GNL3L: variants seen among roughly 807,000 people sequenced by gnomAD.
GNL3L encodes the protein G protein nucleolar 3 like, also known as guanine nucleotide-binding protein-like 3-like protein.
GNL3L carries 4 observed loss-of-function variants against 42.9 expected under a neutral mutation model. The ratio of observed to expected loss-of-function variants is 0.09; its 90% CI spans 0.05 to 0.21. The LOEUF (loss-of-function observed/expected upper bound fraction) is 0.21, where lower values mean the gene tolerates loss of function less well. GNL3L is among the 10% of genes least tolerant of loss of function. The pLI is 1.00. For synonymous variants in GNL3L, 159 were observed against 176.3 expected (o/e 0.90, Z 0.78); for missense variants, 412 against 481.7 (o/e 0.86, Z 1.36).
chrX:54,550,903 G>T (rs919400366), intron 9 of GNL3L, 60 bp from the exon 10 acceptor site: 16 of 654,929 alleles, frequency 2.4e-5, no homozygotes, highest in Non-Finnish European at 3.8e-5. Flanking sequence ...CCTCACACAG[G>T]CTGGCCTGAG....
intron 16 of GNL3L, among the ~76,000 whole-genome samples, chrX:54,596,372 G>A (rs1030343406): frequency 9.0e-6 from 1 of 111,693 alleles, no homozygotes; most frequent in Non-Finnish European, 1.9e-5. Flanking sequence ...GGATTAGTAG[G>A]CAGAGAGTCT....
intron 2 of GNL3L, among the ~76,000 whole-genome samples, chrX:54,534,539 G>A (rs754951444): frequency 7.2e-5 from 8 of 111,548 alleles, no homozygotes; most frequent in African/African-American, 2.6e-4. Flanking sequence ...AGGGATTAGC[G>A]AATACAGAGA....
chrX:54,590,373 T>A (rs1256806117), intron 16 of GNL3L, among the ~76,000 whole-genome samples: 1 of 112,473 alleles, frequency 8.9e-6, no homozygotes, highest in Non-Finnish European at 1.9e-5. Context: ...AAATGTCTAT[T>A]CAAATATTTT....
At chrX:54,628,938 A>C in the GNL3L span, among the ~76,000 whole-genome samples, 1 of 106,040 alleles carries the variant, frequency 9.4e-6, no homozygotes, top group African/African-American at 3.3e-5. Context: ...ATATAATTAT[A>C]TAAAATATAA....
At chrX:54,594,903 A>C (rs1460476066) in intron 16 of GNL3L, among the ~76,000 whole-genome samples, 2 of 112,053 alleles carry the variant, frequency 1.8e-5, no homozygotes, top group Admixed American at 1.9e-4. Context: ...AATGAAAACT[A>C]ATAAAAACTC....
At chrX:54,573,884 C>A (rs1451546985) in intron 16 of GNL3L, among the ~76,000 whole-genome samples, 2 of 99,578 alleles carry the variant, frequency 2.0e-5, no homozygotes, top group South Asian at 9.2e-4. Flanking sequence ...AACCAGTAAT[C>A]TTTGATTTGA....
At chrX:54,602,875 C>T (rs1926019947) in intron 16 of GNL3L, among the ~76,000 whole-genome samples, 2 of 111,643 alleles carry the variant, frequency 1.8e-5, no homozygotes, top group South Asian at 3.7e-4. Flanking sequence ...GATTCTTCCC[C>T]AGTCATGCCT....
At chrX:54,614,077 T>G (rs1223504723) in intron 16 of GNL3L, among the ~76,000 whole-genome samples, 1 of 109,815 alleles carries the variant, frequency 9.1e-6, no homozygotes, top group Admixed American at 9.7e-5. Flanking sequence ...GAGCTCACAC[T>G]CTCCTTGGGT....
intron 16 of GNL3L, among the ~76,000 whole-genome samples, chrX:54,586,096 C>T (rs1278895423): frequency 9.0e-6 from 1 of 111,147 alleles, no homozygotes; most frequent in African/African-American, 3.3e-5. Flanking sequence ...TGGAATTCGA[C>T]AGAAAAGTGA....
chrX:54,595,425 A>G (rs1219575374), intron 16 of GNL3L, among the ~76,000 whole-genome samples: 7 of 111,525 alleles, frequency 6.3e-5, no homozygotes, highest in Admixed American at 4.8e-4. Flanking sequence ...TGGGAGCTCC[A>G]TTGTATGTTC....
At chrX:54,643,303 A>G in the GNL3L span, among the ~76,000 whole-genome samples, 7 of 110,852 alleles carry the variant, frequency 6.3e-5, no homozygotes, top group African/African-American at 2.3e-4. Context: ...TTCTTATTAT[A>G]TATGTATTTG....
At chrX:54,576,225 A>T (rs374903042) in intron 16 of GNL3L, among the ~76,000 whole-genome samples, 15 of 111,752 alleles carry the variant, frequency 1.3e-4, no homozygotes, top group Admixed American at 1.1e-3. Flanking sequence ...TACAGTTTTT[A>T]TATGTTCATG....
the GNL3L span, among the ~76,000 whole-genome samples, chrX:54,630,737 T>TTTCC: frequency 1.2e-5 from 1 of 80,632 alleles, no homozygotes; most frequent in Non-Finnish European, 2.1e-5. Context: ...TCTTTCTTTC[T>TTTCC]TTCTCTTTCT....
chrX:54,640,120 C>T, the GNL3L span, among the ~76,000 whole-genome samples: 2 of 111,519 alleles, frequency 1.8e-5, no homozygotes, highest in South Asian at 3.9e-4. Flanking sequence ...ATTTTTGTAT[C>T]TGTTTCCTCT....
chrX:54,538,125 A>C lies in GNL3L; in HGVS notation c.20-915A>C, dbSNP rs781744440. ...AGAATCGCTTGAACCCGGGAGGCAG[A>C]AGTTGCAGTGAGCCCAGATCACACC... On this transcript the variant is annotated intron_variant, in intron 2 of 15. Coordinates refer to ENST00000360845, the MANE Select transcript of GNL3L (RefSeq NM_001184819.2). 5.4e-5 allele frequency among the ~76,000 whole-genome samples: 6 copies of C among 110,549 alleles called. 1 individual carries two copies. The East Asian group carries it at 1.7e-3, about 31-fold the overall frequency.
At chrX:54,598,867 CTA>C (rs1254701003) in intron 16 of GNL3L, among the ~76,000 whole-genome samples, 4 of 111,357 alleles carry the variant, frequency 3.6e-5, no homozygotes, top group African/African-American at 1.3e-4. Flanking sequence ...CATTGAATAA[CTA>C]TAGACTACTT....
At chrX:54,600,271 G>C (rs1180997123) in intron 16 of GNL3L, among the ~76,000 whole-genome samples, 1 of 86,726 alleles carries the variant, frequency 1.2e-5, no homozygotes, top group Non-Finnish European at 2.1e-5. Context: ...TTGTTGCCCA[G>C]GCTGGAGTGC....
At chrX:54,576,327 A>T (rs1925634125) in intron 16 of GNL3L, among the ~76,000 whole-genome samples, 1 of 111,420 alleles carries the variant, frequency 9.0e-6, no homozygotes, top group African/African-American at 3.3e-5. Context: ...ACGTTAGTAA[A>T]ACCATTTAAA....
At position 54,565,502 on chromosome X, in the gene GNL3L, T is replaced by C. The variant is rs754596284; in HGVS notation, c.*4900T>C. 4.5e-5 allele frequency among the ~76,000 whole-genome samples: 5 copies of C among 111,247 alleles called. No homozygotes were observed. The South Asian group carries it at 1.9e-3, about 42-fold the overall frequency. ...TTTAATTTTTAAATTTTTTAATTTT[T>C]TTAATACATTTAAATAGAGATGGGG... On this transcript the variant is annotated 3_prime_UTR_variant, in exon 16 of 16. Transcript: ENST00000360845.
Sources: allele counts gnomAD v4.1 joint callset (sites outside exome capture counted in the v4.1 genomes callset), GRCh38; gene constraint gnomAD v4.1.1; transcripts MANE v1.5; gene names NCBI Gene and HGNC (gene_info 2026-07-23, HGNC 2026-07-21).